PRSS23: variants seen among roughly 807,000 people sequenced by gnomAD.
The protein encoded by PRSS23 is serine protease 23.
Under a neutral mutation model 34.7 loss-of-function variants are expected in PRSS23, and 25 were observed. The ratio of observed to expected loss-of-function variants is 0.72; its 90% CI spans 0.53 to 1.01. The LOEUF is 1.01. Ranked by LOEUF, PRSS23 falls within the 50% of genes least tolerant of loss-of-function variation. The pLI is 0.00. For missense variants in PRSS23, 445 were observed against 475.6 expected (o/e 0.94, Z 0.60); for synonymous variants, 176 against 186.6 (o/e 0.94, Z 0.46).
intron 2 of PRSS23, chr11:86,833,311 C>G (rs999240956): frequency 5.1e-6 from 7 of 1,367,628 alleles, no homozygotes; most frequent in Non-Finnish European, 6.2e-6. Flanking sequence ...GAAGTCAGAG[C>G]TGACGGCCAG....
rs544121321 is a variant in PRSS23, at chr11:86,865,412, C to T, written c.206+41819C>T. Among the ~76,000 whole-genome samples, 6 of 152,300 alleles carry T rather than the reference C, an allele frequency of 3.9e-5. No individual in the cohort carries two copies. The East Asian group carries it at 1.2e-3, about 29-fold the overall frequency. ...ACATTCTTAATAAATGAGGGGCTAT[C>T]ATCACTGTCACTCTGATGTTGTTTC... is the stretch of plus-strand genomic sequence containing the variant. On this transcript the variant is annotated intron_variant, in intron 2 of 2. Coordinates refer to the PRSS23 transcript ENST00000533902.
At chr11:86,862,343 C>A (rs1223074938) in intron 2 of PRSS23, among the ~76,000 whole-genome samples, 2 of 151,638 alleles carry the variant, frequency 1.3e-5, no homozygotes, top group Non-Finnish European at 2.9e-5. Context: ...GGGGGTGTTA[C>A]TCCTAATGTA....
intron 2 of PRSS23, among the ~76,000 whole-genome samples, chr11:86,916,097 G>A (rs953328952): frequency 1.6e-4 from 24 of 151,922 alleles, no homozygotes; most frequent in African/African-American, 5.3e-4. Flanking sequence ...ATATAAGGAA[G>A]TATTTGTCAT....
chr11:86,907,729 G>A (rs1948953058), intron 2 of PRSS23, among the ~76,000 whole-genome samples: 1 of 152,158 alleles, frequency 6.6e-6, no homozygotes, highest in South Asian at 2.1e-4. Context: ...CAAAATGCTG[G>A]GATTTCAGGT....
intron 2 of PRSS23, among the ~76,000 whole-genome samples, chr11:86,896,233 C>T (rs1019111724): frequency 3.9e-5 from 6 of 151,958 alleles, no homozygotes; most frequent in African/African-American, 1.5e-4. Context: ...TTTGTTGAGC[C>T]TTAAGGTACA....
chr11:86,888,817 A>G (rs1364985952), intron 2 of PRSS23, among the ~76,000 whole-genome samples: 1 of 152,260 alleles, frequency 6.6e-6, no homozygotes, highest in Non-Finnish European at 1.5e-5. Flanking sequence ...GTTACCAACC[A>G]GATGCTTCAA....
upstream of PRSS23, among the ~76,000 whole-genome samples, chr11:86,797,128 C>T (rs1486901784): frequency 6.6e-6 from 1 of 152,246 alleles, no homozygotes; most frequent in African/African-American, 2.4e-5. Context: ...GCATTTTGAA[C>T]AACTCCATTG....
chr11:86,837,185 C>T (rs1485851564), intron 2 of PRSS23: 1 of 152,102 alleles, frequency 6.6e-6, no homozygotes, highest in Non-Finnish European at 1.5e-5. Context: ...AAAAGTTTAT[C>T]CTAATTAAAA....
chr11:86,882,385 T>C (rs1280167229), intron 2 of PRSS23, among the ~76,000 whole-genome samples: 2 of 152,132 alleles, frequency 1.3e-5, no homozygotes, highest in Non-Finnish European at 2.9e-5. Context: ...CAGGCCCCAG[T>C]GTGTGTTGTT....
At chr11:86,806,000 C>A (rs540741746) in intron 1 of PRSS23, among the ~76,000 whole-genome samples, 137 of 152,284 alleles carry the variant, frequency 9.0e-4, no homozygotes, top group African/African-American at 3.1e-3. Flanking sequence ...TCTATTGAAC[C>A]AGAAGAGTCA....
chr11:86,816,242 A>G (rs553830699), intron 1 of PRSS23, among the ~76,000 whole-genome samples: 24 of 152,194 alleles, frequency 1.6e-4, no homozygotes, highest in African/African-American at 5.8e-4. Flanking sequence ...CATTCAGCAA[A>G]TGTCCTCAAG....
chr11:86,899,195 A>G (rs1948895160), intron 2 of PRSS23, among the ~76,000 whole-genome samples: 1 of 152,072 alleles, frequency 6.6e-6, no homozygotes, highest in South Asian at 2.1e-4. Flanking sequence ...CTAGGGGAGA[A>G]TCAAGCTAAG....
At chr11:86,873,248 A>ACACACATATATGTG (rs1555077249) in intron 2 of PRSS23, among the ~76,000 whole-genome samples, 4 of 53,406 alleles carry the variant, frequency 7.5e-5, no homozygotes, top group African/African-American at 3.6e-4. Flanking sequence ...ACACACACAC[A>ACACACATATATGTG]TATATATGTA....
intron 2 of PRSS23, among the ~76,000 whole-genome samples, chr11:86,891,646 G>A (rs1165650607): frequency 6.6e-6 from 1 of 151,882 alleles, no homozygotes. Context: ...CAAACATTTC[G>A]CACTACGTCT....
chr11:86,941,255 T>C (rs1179622036), intron 2 of PRSS23, among the ~76,000 whole-genome samples: 2 of 152,188 alleles, frequency 1.3e-5, no homozygotes, highest in Non-Finnish European at 2.9e-5. Flanking sequence ...ACTCAGAAAC[T>C]GTTCTATTCA....
rs1949188967 is a variant in PRSS23, at chr11:86,939,409, TATATATATATA to T, written c.207-11806_207-11796del. On this transcript the variant is annotated intron_variant, in intron 2 of 2. Transcript: ENST00000533902. ...TTTCTCAGTTAAAAAAAAAAATATA[TATATATATATA>T]TATATATTTTTTAACATGAGTAAAA... 2.7e-5 allele frequency among the ~76,000 whole-genome samples: 2 copies of T among 74,838 alleles called. 1 individual carries two copies. The highest frequency in any genetic ancestry group is 2.8e-4 in the Admixed American group (2 of 7,094). 49.1% of individuals were successfully genotyped at this position (74,838 alleles called of 152,430 possible). A position where few individuals can be genotyped will look rare whatever the true frequency, so the allele number is the denominator to read the frequency against.
At chr11:86,855,660 T>C (rs1268429361) in intron 2 of PRSS23, among the ~76,000 whole-genome samples, 1 of 152,208 alleles carries the variant, frequency 6.6e-6, no homozygotes, top group Non-Finnish European at 1.5e-5. Flanking sequence ...CACACCTGGC[T>C]AATTTTTGTA....
chr11:86,838,771 C>A (rs948726343), intron 2 of PRSS23, among the ~76,000 whole-genome samples: 8 of 152,140 alleles, frequency 5.3e-5, no homozygotes, highest in African/African-American at 1.9e-4. Context: ...GATGAAGCTT[C>A]CAGAGGAAAG....
chr11:86,832,731 C>T (rs1948369322), intron 2 of PRSS23: 18 of 299,140 alleles, frequency 6.0e-5, no homozygotes, highest in South Asian at 5.9e-4. Context: ...AGGGGAGACC[C>T]ACAGGTGGAG....
Sources: allele counts gnomAD v4.1 joint callset (sites outside exome capture counted in the v4.1 genomes callset), GRCh38; gene constraint gnomAD v4.1.1; transcripts MANE v1.5; gene names NCBI Gene and HGNC (gene_info 2026-07-23, HGNC 2026-07-21).